The following PREX2 variants were observed in gnomAD, a reference collection of about 807,000 sequenced individuals.
PREX2 encodes phosphatidylinositol-3,4,5-trisphosphate dependent Rac exchange factor 2, also known as phosphatidylinositol 3,4,5-trisphosphate-dependent Rac exchanger 2 protein.
A neutral mutation model predicts 203.2 loss-of-function variants in PREX2; 107 were observed. The ratio of observed to expected loss-of-function variants is 0.53; its 90% CI spans 0.45 to 0.62. The LOEUF (loss-of-function observed/expected upper bound fraction) is 0.62, where lower values mean the gene tolerates loss of function less well. Among genes scored for constraint, PREX2 ranks in the 20% least tolerant of loss-of-function variants. The pLI is 0.00. For missense variants in PREX2, 1,777 were observed against 1,955.9 expected, an observed-to-expected ratio of 0.91 and a Z score of 1.72; for synonymous variants, 672 against 663.6, an observed-to-expected ratio of 1.01 and a Z score of -0.19.
At position 68,083,385 on chromosome 8, in the gene PREX2, G is replaced by A. The variant is rs761696818; in HGVS notation, c.2024G>A (p.Arg675Lys). Residue 675 changes from arginine (R) to lysine (K), a missense_variant, in exon 18 of 40, where the codon AGA (arginine) becomes AAA (lysine). Transcript: ENST00000288368. ...PLRVLVSTKP[R>K]ETVKIPDSAD... ...AGAGTTCTTGTGAGCACAAAGCCAA[G>A]AGAGTAAGTTGTATGATTTATGTGT... 6.2e-7 allele frequency: 1 copy of A among 1,603,600 alleles called. No homozygotes were observed. Among genetic ancestry groups the A allele is most frequent in the South Asian group, 1.1e-5 (1 of 89,414 alleles).
At chr8:68,024,878 C>T (rs1259653351) in intron 4 of PREX2, among the ~76,000 whole-genome samples, 1 of 151,812 alleles carries the variant, frequency 6.6e-6, no homozygotes, top group African/African-American at 2.4e-5. Context: ...TTAATGCTGA[C>T]CTAATTCCAG....
intron 1 of PREX2, among the ~76,000 whole-genome samples, chr8:68,000,480 C>T (rs1458019932): frequency 6.6e-6 from 1 of 152,148 alleles, no homozygotes; most frequent in Non-Finnish European, 1.5e-5. Context: ...ATTCCATGCT[C>T]ATGGATAGGA....
At chr8:68,220,797 C>T (rs1812938154) in intron 38 of PREX2, among the ~76,000 whole-genome samples, 1 of 152,168 alleles carries the variant, frequency 6.6e-6, no homozygotes, top group South Asian at 2.1e-4. Flanking sequence ...GTCATTCTAA[C>T]TAGGATAGCT....
chr8:68,088,900 C>T (rs1809781133), intron 19 of PREX2, among the ~76,000 whole-genome samples: 1 of 152,126 alleles, frequency 6.6e-6, no homozygotes. Context: ...ATTTAAAGAG[C>T]AAGGTTCTAT....
intron 1 of PREX2, among the ~76,000 whole-genome samples, chr8:67,959,010 T>G (rs555918298): frequency 1.8e-4 from 27 of 152,334 alleles, no homozygotes; most frequent in Admixed American, 3.9e-4. Context: ...TAATCATGTA[T>G]TTTGAAACCA....
chr8:68,140,088 TAGG>T (rs1174839926), intron 33 of PREX2, among the ~76,000 whole-genome samples: 1 of 152,162 alleles, frequency 6.6e-6, no homozygotes, highest in Non-Finnish European at 1.5e-5. Context: ...GTTGAACAAG[TAGG>T]AGAAGAACCA....
intron 34 of PREX2, 47 bp from the exon 35 acceptor site, chr8:68,157,275 A>G: frequency 1.0e-6 from 1 of 987,720 alleles, no homozygotes; most frequent in Non-Finnish European, 1.5e-6. Flanking sequence ...ACGTGGAGAA[A>G]TTGAGTTATA....
chr8:68,143,676 A>C (rs1025186672), intron 33 of PREX2, among the ~76,000 whole-genome samples: 2 of 152,280 alleles, frequency 1.3e-5, no homozygotes, highest in Admixed American at 6.5e-5. Flanking sequence ...TGTCTTTTGC[A>C]GAACAGAAGT....
At position 68,236,364 on chromosome 8, in the gene PREX2, A is replaced by G. The variant is rs904521357; in HGVS notation, c.*4986A>G. On this transcript the variant is annotated 3_prime_UTR_variant, in exon 40 of 40. Coordinates refer to ENST00000288368, the MANE Select transcript of PREX2 (RefSeq NM_024870.4). ...CATTCATCCGAAAAATGTTTTTGAGAATTCACTTTGTGCAAGGCACAGCTG... is the reference window on the plus strand; with the variant it reads ...CATTCATCCGAAAAATGTTTTTGAGGATTCACTTTGTGCAAGGCACAGCTG... 4 of 152,206 alleles carry G rather than the reference A, an allele frequency of 2.6e-5. No homozygotes were observed. The highest frequency in any genetic ancestry group is 6.5e-5 in the Admixed American group (1 of 15,274). The allele number at this position is 152,206 out of a possible 1,614,324, so 9.4% of individuals were successfully genotyped here.
chr8:68,011,755 G>C (rs1807270022), intron 1 of PREX2, among the ~76,000 whole-genome samples: 1 of 151,970 alleles, frequency 6.6e-6, no homozygotes, highest in African/African-American at 2.4e-5. Context: ...CATTGCCTTA[G>C]GCCAATGGAA....
At chr8:68,147,398 T>A (rs1245313456) in intron 34 of PREX2, among the ~76,000 whole-genome samples, 2 of 152,108 alleles carry the variant, frequency 1.3e-5, no homozygotes, top group African/African-American at 4.8e-5. Context: ...TGGTGGGAGG[T>A]AATTGAATAA....
intron 38 of PREX2, among the ~76,000 whole-genome samples, chr8:68,218,157 C>T (rs186910669): frequency 1.4e-4 from 21 of 152,286 alleles, no homozygotes; most frequent in Admixed American, 3.3e-4. Flanking sequence ...TCATGCCATA[C>T]TCAGTGTGTA....
intron 35 of PREX2, among the ~76,000 whole-genome samples, chr8:68,161,947 A>G (rs901814257): frequency 6.6e-6 from 1 of 152,218 alleles, no homozygotes; most frequent in Admixed American, 6.5e-5. Flanking sequence ...GGAAGGCAAG[A>G]AGGAGCAAGT....
rs188226920 is a variant in PREX2 at position 68,139,283 on chromosome 8, G to A, written c.4087+766G>A. ...AGCAAGGAATCTTTACCTAAAAGGA[G>A]AGCAGGCCCTGAAAAGGTTGAGGGA... On this transcript the variant is annotated intron_variant, in intron 33 of 39. Transcript: ENST00000288368. Among the ~76,000 whole-genome samples, 776 of 152,278 alleles carry A rather than the reference G, an allele frequency of 5.1e-3. 16 individuals are homozygous for A. The South Asian group carries it at 0.053, about 10-fold the overall frequency.
At chr8:68,007,120 G>A (rs1320658529) in intron 1 of PREX2, among the ~76,000 whole-genome samples, 1 of 152,180 alleles carries the variant, frequency 6.6e-6, no homozygotes, top group Non-Finnish European at 1.5e-5. Context: ...GGAGCATTTT[G>A]TTGGCAGCTA....
At chr8:68,143,191 A>G (rs142281535) in intron 33 of PREX2, among the ~76,000 whole-genome samples, 89 of 152,216 alleles carry the variant, frequency 5.8e-4, no homozygotes, top group Non-Finnish European at 1.0e-3. Flanking sequence ...TGTAATCCCC[A>G]GTGTTGGAGA....
chr8:68,167,133 T>G (rs1207850362), intron 35 of PREX2, among the ~76,000 whole-genome samples: 1 of 152,054 alleles, frequency 6.6e-6, no homozygotes, highest in East Asian at 1.9e-4. Flanking sequence ...TACTGAGAAT[T>G]TTGCTTCCAA....
At position 68,027,324 on chromosome 8, in the gene PREX2, G is replaced by A. The variant is rs1326532420; in HGVS notation, c.543+1G>A. ...ATGCAAGTACCCTCTTATTTTGAAG[G>A]TATTTTATGTGCTACCTCATTGTAG... On this transcript the variant is annotated splice_donor_variant, in intron 5 of 39. Coordinates refer to ENST00000288368, the MANE Select transcript of PREX2 (RefSeq NM_024870.4). LOFTEE classifies it high-confidence loss of function. 6.5e-7 allele frequency: 1 copy of A among 1,533,786 alleles called. No homozygotes were observed. The highest frequency in any genetic ancestry group is 1.7e-5 in the Admixed American group (1 of 59,678).
chr8:68,154,194 T>C (rs372636263), intron 34 of PREX2, among the ~76,000 whole-genome samples: 3 of 152,364 alleles, frequency 2.0e-5, no homozygotes, highest in African/African-American at 7.2e-5. Context: ...CTACAAACTT[T>C]GTGTTTGGCT....
Sources: gnomAD v4.1 joint callset for allele counts (sites outside exome capture counted in the v4.1 genomes callset) on GRCh38, gnomAD v4.1.1 for gene constraint, MANE v1.5 for transcripts, NCBI Gene and HGNC (gene_info 2026-07-23, HGNC 2026-07-21) for gene names.